The following ANXA8 variants were observed in gnomAD, a reference collection of about 807,000 sequenced individuals.
ANXA8 encodes annexin A8, also known as VAC-beta.
In ANXA8, 9 loss-of-function variants were observed where a neutral mutation model predicts 26.8. The ratio of observed to expected loss-of-function variants is 0.34; its 90% CI spans 0.20 to 0.59. The LOEUF is 0.59. Among genes scored for constraint, ANXA8 ranks in the 20% least tolerant of loss-of-function variants. The pLI is 0.84. For missense variants in ANXA8, 83 were observed against 238.5 expected (o/e 0.35, Z 4.29); for synonymous variants, 39 against 94.8 (o/e 0.41, Z 3.42).
chr10:47,690,978 G>A, the ANXA8 span: 1 of 1,611,226 alleles, frequency 6.2e-7, no homozygotes, highest in South Asian at 1.1e-5. Flanking sequence ...CTGAATTTAA[G>A]AGTATTAAAA....
the ANXA8 span, among the ~76,000 whole-genome samples, chr10:47,743,441 T>G: frequency 8.6e-6 from 1 of 116,328 alleles, no homozygotes; most frequent in African/African-American, 3.2e-5. Context: ...GTTGCATGGT[T>G]AGGTGGTAAA....
At chr10:47,530,983 CA>C in the ANXA8 span, among the ~76,000 whole-genome samples, 1 of 66,690 alleles carries the variant, frequency 1.5e-5, no homozygotes, top group Non-Finnish European at 2.8e-5. Flanking sequence ...ATCATAAATT[CA>C]AATTACTTAC....
the ANXA8 span, among the ~76,000 whole-genome samples, chr10:47,892,306 TA>T: frequency 1.1e-4 from 11 of 97,160 alleles, no homozygotes; most frequent in South Asian, 1.6e-3. Flanking sequence ...GAGAGGGTAG[TA>T]AGAAGGGATG....
At chr10:47,946,983 G>T in the ANXA8 span, among the ~76,000 whole-genome samples, 1 of 150,334 alleles carries the variant, frequency 6.7e-6, no homozygotes. Flanking sequence ...GAGCCACCGA[G>T]CCTGGCCCAC....
the ANXA8 span, among the ~76,000 whole-genome samples, chr10:47,533,191 A>C: frequency 7.2e-6 from 1 of 138,098 alleles, no homozygotes; most frequent in East Asian, 2.8e-4. Flanking sequence ...CACATCACAC[A>C]CACACACACA....
chr10:47,980,285 G>T, the ANXA8 span, among the ~76,000 whole-genome samples: 1 of 151,670 alleles, frequency 6.6e-6, no homozygotes, highest in East Asian at 1.9e-4. Context: ...CAATACTTAG[G>T]GAGACTTTTA....
the ANXA8 span, among the ~76,000 whole-genome samples, chr10:47,516,807 T>G: frequency 7.7e-6 from 1 of 130,298 alleles, no homozygotes; most frequent in Non-Finnish European, 1.5e-5. Context: ...AAACAGCTAT[T>G]AGAAAATAGG....
chr10:47,714,018 T>G, the ANXA8 span, among the ~76,000 whole-genome samples: 1 of 30,366 alleles, frequency 3.3e-5, no homozygotes, highest in Non-Finnish European at 6.1e-5. Context: ...TTATGTAATA[T>G]TTAAAAGCAA....
chr10:47,578,132 A>T, the ANXA8 span, among the ~76,000 whole-genome samples: 10 of 59,158 alleles, frequency 1.7e-4, no homozygotes, highest in Non-Finnish European at 4.0e-4. Flanking sequence ...CCTGGCCAAT[A>T]TGGTGAAACC....
At chr10:47,772,135 G>A in the ANXA8 span, among the ~76,000 whole-genome samples, 1 of 151,438 alleles carries the variant, frequency 6.6e-6, no homozygotes, top group African/African-American at 2.4e-5. Context: ...AGTGGTGTCA[G>A]AATGTGAAAA....
chr10:47,939,369 C>T, the ANXA8 span, among the ~76,000 whole-genome samples: 2 of 140,720 alleles, frequency 1.4e-5, no homozygotes, highest in South Asian at 4.5e-4. Context: ...CCTTGCAATA[C>T]TTGATCTTTG....
chr10:47,777,025 T>C, the ANXA8 span, among the ~76,000 whole-genome samples: 2 of 152,002 alleles, frequency 1.3e-5, no homozygotes, highest in Non-Finnish European at 2.9e-5. Context: ...ACTTCAATGC[T>C]GCTGGTCAGT....
chr10:47,581,796 G>A, the ANXA8 span, among the ~76,000 whole-genome samples: 2 of 150,476 alleles, frequency 1.3e-5, no homozygotes, highest in Non-Finnish European at 2.9e-5. Flanking sequence ...TAGTAGAGAC[G>A]GGGTTTCACC....
the ANXA8 span, among the ~76,000 whole-genome samples, chr10:47,684,884 C>G: frequency 1.3e-5 from 2 of 149,442 alleles, no homozygotes; most frequent in Admixed American, 1.3e-4. Context: ...CCGCGCCCAG[C>G]CTGCGATTGT....
At chr10:47,636,580 A>T in the ANXA8 span, among the ~76,000 whole-genome samples, 2 of 140,242 alleles carry the variant, frequency 1.4e-5, no homozygotes, top group Non-Finnish European at 3.0e-5. Flanking sequence ...AGTTTGGACC[A>T]ATATCATCAT....
chr10:47,969,075 C>G, the ANXA8 span, among the ~76,000 whole-genome samples: 1 of 149,612 alleles, frequency 6.7e-6, no homozygotes, highest in Admixed American at 6.7e-5. Flanking sequence ...AGGCCCCTGA[C>G]ACGTGGAAAG....
At chr10:47,966,494 T>C in the ANXA8 span, among the ~76,000 whole-genome samples, 1 of 148,476 alleles carries the variant, frequency 6.7e-6, no homozygotes, top group Non-Finnish European at 1.5e-5. Context: ...GCCTGAAGAG[T>C]AACTCTGCAT....
At chr10:47,699,278 G>A in the ANXA8 span, among the ~76,000 whole-genome samples, 1 of 144,096 alleles carries the variant, frequency 6.9e-6, no homozygotes, top group East Asian at 2.1e-4. Context: ...AACCTAGGAG[G>A]TGGAGGTTGC....
the ANXA8 span, among the ~76,000 whole-genome samples, chr10:47,548,287 G>T: frequency 6.8e-6 from 1 of 146,492 alleles, no homozygotes; most frequent in Non-Finnish European, 1.5e-5. Context: ...AATCAATATG[G>T]CTTATTTTTT....
Sources: allele counts gnomAD v4.1 joint callset (sites outside exome capture counted in the v4.1 genomes callset), GRCh38; gene constraint gnomAD v4.1.1; transcripts MANE v1.5; gene names NCBI Gene and HGNC (gene_info 2026-07-23, HGNC 2026-07-21).